Variants in NCOR2 observed in about 807,000 individuals in gnomAD.
NCOR2 encodes CTG repeat protein 26.
A neutral mutation model predicts 262.9 loss-of-function variants in NCOR2; 81 were observed. That is an observed-to-expected ratio of 0.31 (90% CI 0.26 to 0.37). NCOR2 has a LOEUF of 0.37. Ranked by LOEUF, NCOR2 falls within the 10% of genes least tolerant of loss-of-function variation. The probability of loss-of-function intolerance (pLI) is 1.00; values close to 1 mark genes in which losing one functional copy is unlikely to be tolerated. For synonymous variants in NCOR2, 1,659 were observed against 1,559.3 expected (o/e 1.06, Z -1.51); for missense variants, 3,385 against 3,621.4 (o/e 0.93, Z 1.68).
chr12:124,400,703 C>T (rs2293514), intron 14 of NCOR2, 30 bp from the exon 17 acceptor site: 1,049,267 of 1,605,746 alleles, frequency 0.65, 347,393 homozygotes, highest in East Asian at 0.78. Flanking sequence ...GATAGGATGG[C>T]TTCACCCGAG....
chr12:124,352,118 G>A (rs2037533119), intron 27 of NCOR2, among the ~76,000 whole-genome samples: 1 of 152,222 alleles, frequency 6.6e-6, no homozygotes. Flanking sequence ...CACTAACAGT[G>A]TGGCACAATA....
At chr12:124,328,492 C>T (rs1593065979) in intron 44 of NCOR2, 1 of 152,400 alleles carries the variant, frequency 6.6e-6, no homozygotes, top group African/African-American at 2.4e-5. Context: ...TCCTGACAAT[C>T]GGGGAAACCT....
chr12:124,472,554 G>A (rs1335411198), intron 4 of NCOR2, among the ~76,000 whole-genome samples: 2 of 152,176 alleles, frequency 1.3e-5, no homozygotes, highest in African/African-American at 2.4e-5. Flanking sequence ...CACGTTGCCT[G>A]GTACTGGAAG....
intron 13 of NCOR2, among the ~76,000 whole-genome samples, chr12:124,417,248 C>G (rs1397245300): frequency 1.3e-4 from 19 of 150,330 alleles, no homozygotes; most frequent in East Asian, 5.9e-4. Context: ...AGGCCGGACA[C>G]TCACTCCACG....
At chr12:124,513,688 A>G (rs975118287) in intron 1 of NCOR2, 10 of 152,228 alleles carry the variant, frequency 6.6e-5, no homozygotes, top group Non-Finnish European at 1.5e-4. Context: ...GAAGGACACA[A>G]TGAACTAAGG....
chr12:124,356,419 C>A (rs1351322850), intron 23 of NCOR2, among the ~76,000 whole-genome samples: 1 of 152,250 alleles, frequency 6.6e-6, no homozygotes, highest in Middle Eastern at 3.2e-3. Context: ...CTCACCAGCT[C>A]AAGCACCTGC....
intron 1 of NCOR2, among the ~76,000 whole-genome samples, chr12:124,519,089 T>TACACATACACACAC (rs2050016551): frequency 3.1e-5 from 3 of 97,268 alleles, no homozygotes; most frequent in Non-Finnish European, 6.6e-5. Context: ...GGCCAAATAA[T>TACACATACACACAC]ACACACACAC....
chr12:124,333,960 G>C (rs962323395), intron 41 of NCOR2, among the ~76,000 whole-genome samples: 7 of 151,920 alleles, frequency 4.6e-5, no homozygotes, highest in African/African-American at 1.7e-4. Context: ...GCACGTGTGT[G>C]TGTGCGGGTG....
At chr12:124,456,509 C>CCATCAT (rs377759859) in intron 6 of NCOR2, among the ~76,000 whole-genome samples, 3 of 151,878 alleles carry the variant, frequency 2.0e-5, no homozygotes, top group Non-Finnish European at 2.9e-5. Context: ...GCCATCATCG[C>CCATCAT]CATCATCATC....
Position 124,369,821 on chromosome 12 carries a change from C to T in NCOR2, c.2807+2201G>A, listed in dbSNP as rs567451968. 6.6e-5 allele frequency among the ~76,000 whole-genome samples: 10 copies of T among 152,058 alleles called. 1 individual carries two copies. The highest frequency in any genetic ancestry group is 2.2e-4 in the African/African-American group (9 of 41,512). On this transcript the variant is annotated intron_variant, in intron 20 of 46. Coordinates refer to ENST00000405201, the Ensembl canonical transcript of NCOR2. ...AGGCCCAGCTCGGGGAGGGAGGACA[C>T]GGCCCTGGGCGGGGCTGCAGGGGAG...
exon 35 of NCOR2, chr12:124,340,680 C>A (rs762145134): frequency 1.6e-5 from 24 of 1,521,844 alleles, no homozygotes; most frequent in Non-Finnish European, 2.1e-5. Context: ...CGGTCCATGG[C>A]GGTGGCTGGG....
At chr12:124,550,732 G>A (rs1041719593) in intron 1 of NCOR2, among the ~76,000 whole-genome samples, 2 of 152,174 alleles carry the variant, frequency 1.3e-5, no homozygotes, top group African/African-American at 4.8e-5. Context: ...CCTGGCCCTG[G>A]GTGGCTCCAC....
At chr12:124,534,084 C>A (rs1224972011) in intron 1 of NCOR2, among the ~76,000 whole-genome samples, 1 of 152,062 alleles carries the variant, frequency 6.6e-6, no homozygotes, top group African/African-American at 2.4e-5. Flanking sequence ...ACCTGTACGG[C>A]GTGTGGCTGG....
chr12:124,560,746 T>A lies in NCOR2; in HGVS notation c.-165+6562A>T, dbSNP rs550946409. 3.3e-5 allele frequency among the ~76,000 whole-genome samples: 5 copies of A among 152,244 alleles called. No homozygotes were observed. The Middle Eastern group carries it at 0.01, about 311-fold the overall frequency. Reference sequence around the variant, plus strand: ...TGTGACTGCCTCGGGGAACAGAAACTGGGAGGCCAGGAACCGAGGGAGACT... The same window carrying A: ...TGTGACTGCCTCGGGGAACAGAAACAGGGAGGCCAGGAACCGAGGGAGACT... On this transcript the variant is annotated intron_variant, in intron 1 of 32. Transcript: ENST00000458234.
intron 15 of NCOR2, 97 bp downstream of exon 17, chr12:124,400,404 G>A (rs968192227): frequency 1.5e-5 from 23 of 1,500,610 alleles, no homozygotes; most frequent in African/African-American, 9.6e-5. Context: ...CCCCTTGGCT[G>A]TTGCCAATTA....
intron 1 of NCOR2, among the ~76,000 whole-genome samples, chr12:124,551,265 A>C (rs755220937): frequency 5.3e-5 from 8 of 152,322 alleles, no homozygotes; most frequent in Middle Eastern, 3.4e-3. Context: ...AAACGACTGC[A>C]CTGAATTATA....
intron 1 of NCOR2, among the ~76,000 whole-genome samples, chr12:124,520,814 C>G (rs2050143970): frequency 1.3e-5 from 2 of 152,210 alleles, no homozygotes; most frequent in African/African-American, 2.4e-5. Flanking sequence ...AAAGCATCCC[C>G]TGGCCAAAAT....
intron 45 of NCOR2, 53 bp from the exon 48 acceptor site, chr12:124,326,423 G>A: frequency 7.1e-7 from 1 of 1,408,704 alleles, no homozygotes; most frequent in South Asian, 1.6e-5. Flanking sequence ...AGACAGCACC[G>A]ACGCTACGGT....
chr12:124,532,537 C>A (rs1485262949), intron 1 of NCOR2, among the ~76,000 whole-genome samples: 2 of 152,222 alleles, frequency 1.3e-5, no homozygotes, highest in Non-Finnish European at 2.9e-5. Flanking sequence ...GGAGGCCCCA[C>A]TCCACCGTCT....
Sources: allele counts gnomAD v4.1 joint callset (sites outside exome capture counted in the v4.1 genomes callset), GRCh38; gene constraint gnomAD v4.1.1; transcripts MANE v1.5; gene names NCBI Gene and HGNC (gene_info 2026-07-23, HGNC 2026-07-21).